The following SHC2 variants were observed in gnomAD, a reference collection of about 807,000 sequenced individuals.
SHC2 encodes the protein SHC-transforming protein 2.
A neutral mutation model predicts 60.6 loss-of-function variants in SHC2; 62 were observed. That is an observed-to-expected ratio of 1.02 (90% CI 0.83 to 1.26). The LOEUF (loss-of-function observed/expected upper bound fraction) is 1.26. Among genes scored for constraint, SHC2 ranks in the 50% most tolerant of loss-of-function variants. SHC2 has a pLI of 0.00. For synonymous variants in SHC2, 375 were observed against 372.4 expected (o/e 1.01, Z -0.08); for missense variants, 873 against 822.2 (o/e 1.06, Z -0.76).
Position 445,915 on chromosome 19 carries a change from G to A in SHC2, c.469-4983C>T, listed in dbSNP as rs180710949. On this transcript the variant is annotated intron_variant, in intron 1 of 12. Coordinates refer to ENST00000264554, the MANE Select transcript of SHC2 (RefSeq NM_012435.3). The surrounding 1 kb of genome is among the most constrained non-coding windows in gnomAD (Gnocchi z 4.4). ...ATAAAAATAAAAAAATTAGCTGGGC[G>A]TGGTGGTTGCATGCCTGTAATCCCA... Among the ~76,000 whole-genome samples, 52 of 151,938 alleles carry A rather than the reference G, an allele frequency of 3.4e-4. No homozygotes were observed. Among genetic ancestry groups the A allele is most frequent in the Admixed American group, 3.3e-3 (50 of 15,258 alleles).
rs192350652 is a variant in SHC2 at position 418,793 on chromosome 19, A to G, written c.*5+130T>C. 230 of 1,030,190 alleles carry G rather than the reference A, an allele frequency of 2.2e-4. 1 individual carries two copies. The East Asian group carries it at 5.1e-3, about 23-fold the overall frequency. 63.8% of individuals were successfully genotyped at this position (1,030,190 alleles called of 1,614,324 possible). On this transcript the variant is annotated intron_variant, in intron 12 of 12. Transcript: ENST00000264554. Reference sequence around the variant, plus strand: ...CGACAGAGATGGTTGCACGGCTCGGATGCTGAACACCCCTGAGTCGTGCCC... The same window carrying G: ...CGACAGAGATGGTTGCACGGCTCGGGTGCTGAACACCCCTGAGTCGTGCCC...
chr19:443,747 C>CAGAT (rs1358613818), intron 1 of SHC2, among the ~76,000 whole-genome samples: 2 of 37,868 alleles, frequency 5.3e-5, no homozygotes, highest in African/African-American at 1.1e-4. Context: ...GATGGATGGA[C>CAGAT]GGATGGTTGG....
At chr19:423,714 C>T (rs1167832991) in intron 10 of SHC2, among the ~76,000 whole-genome samples, 1 of 152,242 alleles carries the variant, frequency 6.6e-6, no homozygotes, top group Non-Finnish European at 1.5e-5. Context: ...GCTCCAACTC[C>T]TAGCCTGGCC....
intron 1 of SHC2, among the ~76,000 whole-genome samples, chr19:458,368 GCGGGTCCCGGGGAGGCGGAAT>G (rs1207797402): frequency 2.9e-5 from 4 of 136,174 alleles, no homozygotes; most frequent in African/African-American, 1.1e-4. Context: ...GGAGGCGGAA[GCGGGTCCCGGGGAGGCGGAAT>G]CGGGTTCCGG....
At position 441,919 on chromosome 19, in the gene SHC2, C is replaced by T. The variant is rs1600304604; in HGVS notation, c.469-987G>A. 6.6e-6 allele frequency among the ~76,000 whole-genome samples: 1 copy of T among 152,248 alleles called. No individual in the cohort carries two copies. Among genetic ancestry groups the T allele is most frequent in the Admixed American group, 6.5e-5 (1 of 15,288 alleles). ...CCCCACAGATACATCAGCCTGAGGG[C>T]TTCTGAGGTGTGTACAGGTCACTGT... On this transcript the variant is annotated intron_variant, in intron 1 of 12. Transcript: ENST00000264554. The surrounding 1 kb of genome is among the most constrained non-coding windows in gnomAD (Gnocchi z 4.9).
intron 1 of SHC2, among the ~76,000 whole-genome samples, chr19:455,379 G>A (rs1196009650): frequency 3.3e-5 from 5 of 152,326 alleles, no homozygotes; most frequent in Non-Finnish European, 7.3e-5. Flanking sequence ...GGTGGAAGCC[G>A]CAGGGTTGTG....
In SHC2 at chr19:437,229, C is replaced by T. The variant is rs1020916911; in HGVS notation, c.721-546G>A. On this transcript the variant is annotated intron_variant, in intron 4 of 12. Transcript: ENST00000264554. ...TCGTTTGCGTGGTCATCTGCGTGCT[C>T]GTTTGCGAGCTCATCTGCGTGCTCG... Among the ~76,000 whole-genome samples, 7 of 152,064 alleles carry T rather than the reference C, an allele frequency of 4.6e-5. No individual in the cohort carries two copies. The East Asian group carries it at 5.8e-4, about 13-fold the overall frequency.
intron 1 of SHC2, among the ~76,000 whole-genome samples, chr19:443,320 G>GGATGGACA (rs1974955644): frequency 7.2e-6 from 1 of 137,976 alleles, no homozygotes; most frequent in Non-Finnish European, 1.5e-5. Context: ...GTGGATGGGT[G>GGATGGACA]GATGGATGGA....
intron 1 of SHC2, among the ~76,000 whole-genome samples, chr19:458,792 CGGGT>C (rs1975458353): frequency 7.4e-6 from 1 of 134,464 alleles, no homozygotes; most frequent in African/African-American, 3.1e-5. Context: ...GAGGCGGAAG[CGGGT>C]CCTGGGGAGG....
At chr19:460,042 C>T (rs1409251596) in intron 1 of SHC2, among the ~76,000 whole-genome samples, 1 of 152,228 alleles carries the variant, frequency 6.6e-6, no homozygotes, top group Non-Finnish European at 1.5e-5. Flanking sequence ...TAAACAAAGG[C>T]CGCTTCCTTG....
At chr19:454,953 T>TG (rs1191241153) in intron 1 of SHC2, among the ~76,000 whole-genome samples, 2 of 152,208 alleles carry the variant, frequency 1.3e-5, no homozygotes, top group East Asian at 1.9e-4. Flanking sequence ...CGCTCGTCTC[T>TG]GCCCCTCTCA....
intron 1 of SHC2, among the ~76,000 whole-genome samples, chr19:450,584 A>G (rs1975156916): frequency 6.6e-6 from 1 of 152,136 alleles, no homozygotes; most frequent in Admixed American, 6.5e-5. Context: ...GGAATTGCAC[A>G]AAGCTTGTCC....
intron 1 of SHC2, among the ~76,000 whole-genome samples, chr19:449,606 C>T (rs1326496994): frequency 6.6e-6 from 1 of 151,750 alleles, no homozygotes. Context: ...CAGACTTTCT[C>T]AATTGTTCAT....
intron 1 of SHC2, among the ~76,000 whole-genome samples, chr19:458,078 C>G (rs1600332829): frequency 8.7e-6 from 1 of 115,164 alleles, no homozygotes; most frequent in Non-Finnish European, 2.0e-5. Context: ...GGAAGCGGGT[C>G]TTGGGGAGGC....
Position 454,105 on chromosome 19 carries a change from C to T in SHC2, c.468+6424G>A, listed in dbSNP as rs372142965. 1.1e-4 allele frequency among the ~76,000 whole-genome samples: 17 copies of T among 152,300 alleles called. No individual in the cohort carries two copies. In the South Asian group the frequency reaches 1.2e-3, roughly 11 times the overall value. The stretch of plus-strand genomic sequence containing the variant: ...ATCAGGCGTCAAGATTCACCCAGAC[C>T]GAGCTGTCCAGCACGGCAGCTGCTT... On this transcript the variant is annotated intron_variant, in intron 1 of 12. Coordinates refer to ENST00000264554, the MANE Select transcript of SHC2 (RefSeq NM_012435.3).
At chr19:451,118 A>G (rs111988160) in intron 1 of SHC2, among the ~76,000 whole-genome samples, 532 of 91,472 alleles carry the variant, frequency 5.8e-3, no homozygotes, top group African/African-American at 0.021. Context: ...CCATAGCCAC[A>G]TCATATTTCA....
rs1334740585 is a variant in SHC2 at position 460,552 on chromosome 19, GC to G, written c.444del (p.Val151SerfsTer28). 5 of 1,409,420 alleles carry G rather than the reference GC, an allele frequency of 3.5e-6. No homozygotes were observed. The South Asian group carries it at 4.3e-5, about 12-fold the overall frequency. The allele number at this position is 1,409,420 out of a possible 1,614,324, so 87.3% of individuals were successfully genotyped here. On this transcript the variant is annotated frameshift_variant, in exon 1 of 13. Coordinates refer to ENST00000264554, the MANE Select transcript of SHC2 (RefSeq NM_012435.3). LOFTEE classifies it high-confidence loss of function. ...ACCCGCACGACGTAGGAGACCCCGG[GC>G]CCCAGGACCCTGGCGTCGGGGTGTA... ...GWLHPDARVL[G>X]PGVSYVVRYM...
rs1253484465 is a variant in SHC2, at chr19:460,513, G to A, written c.468+16C>T. 2.4e-6 allele frequency: 3 copies of A among 1,240,300 alleles called. No individual in the cohort carries two copies. Among genetic ancestry groups the A allele is most frequent in the East Asian group, 3.9e-5 (1 of 25,886 alleles). 76.8% of individuals were successfully genotyped at this position (1,240,300 alleles called of 1,614,324 possible). A position where few individuals can be genotyped will look rare whatever the true frequency, so the allele number is the denominator to read the frequency against. ...CCGCCGCGAACGGGCTCCCGGGGGG[G>A]GTGGGGGGGACTCACCCGCACGACG... is the stretch of plus-strand genomic sequence containing the variant. On this transcript the variant is annotated intron_variant, in intron 1 of 12. Coordinates refer to ENST00000264554, the MANE Select transcript of SHC2 (RefSeq NM_012435.3).
Position 431,443 on chromosome 19 carries a change from C to T in SHC2, c.1111-696G>A, listed in dbSNP as rs1474289962. ...GAGTTAGAGGAGGCCGGGCAGATGG[C>T]GCTTCATCGTGAGTGAGATCGTGAG... On this transcript the variant is annotated intron_variant, in intron 8 of 12. Transcript: ENST00000264554. Among the ~76,000 whole-genome samples, 4 of 75,574 alleles carry T rather than the reference C, an allele frequency of 5.3e-5. 1 individual carries two copies. The East Asian group carries it at 1.5e-3, about 28-fold the overall frequency. The allele number at this position is 75,574 out of a possible 152,430, so 49.6% of individuals were successfully genotyped here.
Sources: gnomAD v4.1 joint callset for allele counts (sites outside exome capture counted in the v4.1 genomes callset) on GRCh38, gnomAD v4.1.1 for gene constraint, Gnocchi (gnomAD v3.1) non-coding constraint, MANE v1.5 for transcripts, NCBI Gene and HGNC (gene_info 2026-07-23, HGNC 2026-07-21) for gene names.